ADGRE1: variants seen among roughly 807,000 people sequenced by gnomAD.
The protein encoded by ADGRE1 is adhesion G protein-coupled receptor E1.
In ADGRE1, 82 loss-of-function variants were observed where a neutral mutation model predicts 102.7. The observed-to-expected ratio is 0.80, with a 90% confidence interval of 0.67 to 0.96. ADGRE1 has a LOEUF of 0.96. Ranked by LOEUF, ADGRE1 falls within the 40% of genes least tolerant of loss-of-function variation. The probability of loss-of-function intolerance (pLI) is 0.00; values close to 1 mark genes in which losing one functional copy is unlikely to be tolerated. For missense variants in ADGRE1, 1,032 were observed against 1,085.3 expected (o/e 0.95, Z 0.69); for synonymous variants, 398 against 399.6 (o/e 1.00, Z 0.05).
chr19:6,933,030 G>A (rs1449471740), intron 17 of ADGRE1, among the ~76,000 whole-genome samples: 3 of 152,136 alleles, frequency 2.0e-5, no homozygotes, highest in Non-Finnish European at 2.9e-5. Context: ...AGACCAGCCC[G>A]GCCAACATGG....
chr19:6,934,374 T>C (rs1975291821), intron 17 of ADGRE1, among the ~76,000 whole-genome samples: 1 of 151,996 alleles, frequency 6.6e-6, no homozygotes, highest in Admixed American at 6.6e-5. Context: ...TTTGGCTTTC[T>C]GGATTGGTTG....
At chr19:6,898,299 C>T (rs1973643602) in intron 5 of ADGRE1, 2 of 1,595,662 alleles carry the variant, frequency 1.3e-6, no homozygotes, top group Non-Finnish European at 1.7e-6. Flanking sequence ...CTCCAATTCT[C>T]TGTCTAGATA....
chr19:6,905,800 CAAAT>C (rs1973930207), intron 8 of ADGRE1, among the ~76,000 whole-genome samples: 1 of 151,978 alleles, frequency 6.6e-6, no homozygotes, highest in Non-Finnish European at 1.5e-5. Context: ...GTATAACAAG[CAAAT>C]GAATATATCT....
At chr19:6,907,867 T>C (rs943793211) in intron 9 of ADGRE1, among the ~76,000 whole-genome samples, 7 of 152,254 alleles carry the variant, frequency 4.6e-5, no homozygotes, top group Non-Finnish European at 1.0e-4. Flanking sequence ...TCCATTCCTT[T>C]TTATGGCTGA....
At chr19:6,939,966 A>T in intron 20 of ADGRE1, 58 bp from the exon 21 acceptor site, 1 of 1,592,112 alleles carries the variant, frequency 6.3e-7, no homozygotes, top group South Asian at 1.1e-5. Context: ...TGACCCTTGG[A>T]ATCACGTTTG....
At chr19:6,936,134 T>C (rs559187076) in intron 18 of ADGRE1, among the ~76,000 whole-genome samples, 2 of 152,268 alleles carry the variant, frequency 1.3e-5, no homozygotes, top group East Asian at 3.9e-4. Flanking sequence ...TTTGAAAAGT[T>C]AGTACAAAAG....
intron 5 of ADGRE1, chr19:6,898,565 C>T (rs772039004): frequency 4.5e-5 from 68 of 1,497,752 alleles, no homozygotes; most frequent in Non-Finnish European, 6.0e-5. Flanking sequence ...TATCTGCTCA[C>T]CCTCTTTCAC....
Position 6,937,656 on chromosome 19 carries a change from A to G in ADGRE1, c.2655+8A>G, listed in dbSNP as rs1286268252. Reference sequence around the variant, plus strand: ...CCATCCGCTTCCAAGACGGTGAGAGACTGCATGCTCCCTGCAGGTGCTGGT... The same window carrying G: ...CCATCCGCTTCCAAGACGGTGAGAGGCTGCATGCTCCCTGCAGGTGCTGGT... On this transcript the variant is annotated splice_region_variant and intron_variant, in intron 20 of 20. Coordinates refer to ENST00000312053, the MANE Select transcript of ADGRE1 (RefSeq NM_001974.5). 1.9e-6 allele frequency: 3 copies of G among 1,613,472 alleles called. No homozygotes were observed. The highest frequency in any genetic ancestry group is 2.7e-5 in the African/African-American group (2 of 74,880).
chr19:6,894,286 C>G (rs1389014911), intron 2 of ADGRE1, among the ~76,000 whole-genome samples: 4 of 152,154 alleles, frequency 2.6e-5, no homozygotes, highest in Non-Finnish European at 5.9e-5. Context: ...CACCTGGGAG[C>G]CTGCTCCCAC....
chr19:6,935,212 C>T (rs906452461), intron 18 of ADGRE1, 134 bp downstream of exon 18: 2 of 473,758 alleles, frequency 4.2e-6, no homozygotes, highest in African/African-American at 4.0e-5. Flanking sequence ...GCATATCACA[C>T]CATCTAGATC....
chr19:6,929,773 G>A (rs535748366), intron 17 of ADGRE1, among the ~76,000 whole-genome samples: 141 of 152,042 alleles, frequency 9.3e-4, no homozygotes, highest in Admixed American at 4.0e-3. Flanking sequence ...TGCCTGCCTC[G>A]GCCTCCCCAA....
chr19:6,908,444 C>T (rs570800729), intron 9 of ADGRE1, among the ~76,000 whole-genome samples: 14 of 152,118 alleles, frequency 9.2e-5, no homozygotes, highest in Non-Finnish European at 1.9e-4. Context: ...GAGCTGGTTT[C>T]AGCAATCACT....
intron 15 of ADGRE1, among the ~76,000 whole-genome samples, chr19:6,925,175 G>A (rs959772653): frequency 4.6e-5 from 7 of 152,160 alleles, no homozygotes; most frequent in African/African-American, 1.7e-4. Context: ...AGGCTGGAGT[G>A]CAATGGCACG....
chr19:6,894,619 G>A (rs1973485470), intron 2 of ADGRE1, among the ~76,000 whole-genome samples: 1 of 152,184 alleles, frequency 6.6e-6, no homozygotes, highest in African/African-American at 2.4e-5. Flanking sequence ...GTCACTGGGG[G>A]CTTTGCAGTT....
intron 10 of ADGRE1, among the ~76,000 whole-genome samples, chr19:6,911,899 A>C (rs550484183): frequency 6.6e-6 from 1 of 151,534 alleles, no homozygotes; most frequent in African/African-American, 2.4e-5. Flanking sequence ...CATACACCCC[A>C]CACACATTTA....
chr19:6,927,090 G>C (rs1266708433), intron 16 of ADGRE1, among the ~76,000 whole-genome samples: 1 of 152,054 alleles, frequency 6.6e-6, no homozygotes, highest in African/African-American at 2.4e-5. Flanking sequence ...TTGGGGTGCT[G>C]TTATTGAACA....
Position 6,924,774 on chromosome 19 carries a change from A to G in ADGRE1, c.1888A>G (p.Ile630Val), listed in dbSNP as rs752589725. The G allele has an allele frequency of 1.9e-6, 3 of 1,613,974 alleles. No individual in the cohort carries two copies. The highest frequency in any genetic ancestry group is 2.2e-5 in the East Asian group (1 of 44,860). The change falls in exon 15 of 21, where the codon ATC (isoleucine) becomes GTC (valine). Residue 630 changes from isoleucine to valine, a missense_variant. Physicochemically the swap from Ile to Val is conservative, Grantham distance 29. Transcript: ENST00000312053. Reference sequence around the variant, plus strand: ...CGCCACCTTTCTGCTGTGTCGCTCCATCCGAAATCACAACACCTACCTCCA... The same window carrying G: ...CGCCACCTTTCTGCTGTGTCGCTCCGTCCGAAATCACAACACCTACCTCCA... ...AIATFLLCRS[I>V]RNHNTYLHLH...
Position 6,908,759 on chromosome 19 carries a change from T to C in ADGRE1, c.1109T>C (p.Val370Ala), listed in dbSNP as rs781297073. 5.6e-6 allele frequency: 9 copies of C among 1,609,970 alleles called. No homozygotes were observed. The Admixed American group carries it at 1.4e-4, about 24-fold the overall frequency. ...LDKVCENKTTVVSLKNTTESF... is the reference protein window; with the variant it reads ...LDKVCENKTTAVSLKNTTESF... ...AAAGTGTGTGAAAATAAAACGACCG[T>C]AGTTTCTCTGAAGGTAACGATTGGG... The change falls in exon 10 of 21, where the codon GTA becomes GCA. Residue 370 changes from valine (V) to alanine (A), a missense_variant. Transcript: ENST00000312053.
chr19:6,897,720 G>C (rs1351959820), intron 5 of ADGRE1, 173 bp downstream of exon 5: 1 of 644,880 alleles, frequency 1.6e-6, no homozygotes, highest in Admixed American at 4.2e-5. Flanking sequence ...TTGAGCCTGT[G>C]GGTGTCTTTA....
Sources: allele counts gnomAD v4.1 joint callset (sites outside exome capture counted in the v4.1 genomes callset), GRCh38; gene constraint gnomAD v4.1.1; transcripts MANE v1.5; gene names NCBI Gene and HGNC (gene_info 2026-07-23, HGNC 2026-07-21).